The following MAP1B variants were observed in gnomAD, a reference collection of about 807,000 sequenced individuals.
The protein encoded by MAP1B is microtubule associated protein 1B.
MAP1B carries 12 observed loss-of-function variants against 176.1 expected under a neutral mutation model. The ratio of observed to expected loss-of-function variants is 0.07; its 90% CI spans 0.04 to 0.11. MAP1B has a LOEUF of 0.11. Among genes scored for constraint, MAP1B ranks in the 10% least tolerant of loss-of-function variants. The pLI is 1.00. For missense variants in MAP1B, 2,523 were observed against 2,990.5 expected (o/e 0.84, Z 3.65); for synonymous variants, 1,044 against 1,135.0 (o/e 0.92, Z 1.61).
chr5:72,107,477 AGTG>A lies in MAP1B; in HGVS notation c.-53_-51del. On this transcript the variant is annotated 5_prime_UTR_variant, in exon 1 of 7. Transcript: ENST00000296755. ...CGGAGATAATCCTTTCTCCTGCCGC[AGTG>A]GAGAGGAGCGGCCGGAGCGAGACAC... is the stretch of plus-strand genomic sequence containing the variant. 7.0e-7 allele frequency: 1 copy of A among 1,436,208 alleles called. No individual in the cohort carries two copies. The highest frequency in any genetic ancestry group is 9.3e-7 in the Non-Finnish European group (1 of 1,072,916). 89.0% of individuals were successfully genotyped at this position (1,436,208 alleles called of 1,614,324 possible).
intron 4 of MAP1B, among the ~76,000 whole-genome samples, chr5:72,190,190 A>C (rs1159279925): frequency 8.5e-5 from 13 of 152,198 alleles, no homozygotes; most frequent in Non-Finnish European, 1.5e-5. Context: ...TTTGACCATC[A>C]CCATACACCA....
rs1746909285 is a variant in MAP1B, at chr5:72,186,828, G to A, written c.510+74G>A. ...TAGGTTCCTCTTTGAGAGCACTGGG[G>A]GAGACAAAAGAAGAAGGGAGGGAAC... On this transcript the variant is annotated intron_variant, in intron 4 of 6. Transcript: ENST00000296755. The surrounding 1 kb of genome is among the most constrained non-coding windows in gnomAD (Gnocchi z 4.3). 1.9e-6 allele frequency: 3 copies of A among 1,550,396 alleles called. No individual in the cohort carries two copies. The highest frequency in any genetic ancestry group is 1.7e-5 in the Admixed American group (1 of 58,620).
rs115222432 is a variant in MAP1B, at chr5:72,191,517, G to A, written c.511-2349G>A. Among the ~76,000 whole-genome samples, 412 of 152,320 alleles carry A rather than the reference G, an allele frequency of 2.7e-3. 1 individual carries two copies. The highest frequency in any genetic ancestry group is 9.5e-3 in the African/African-American group (396 of 41,566). ...CACAGGTCTGGAAAGAGGCTGTGGG[G>A]GAAAACACGGGCTTCATTCTGTTGT... is the stretch of plus-strand genomic sequence containing the variant. On this transcript the variant is annotated intron_variant, in intron 4 of 6. Transcript: ENST00000296755.
intron 2 of MAP1B, among the ~76,000 whole-genome samples, chr5:72,173,695 A>T (rs1053475847): frequency 6.6e-6 from 1 of 152,218 alleles, no homozygotes; most frequent in Non-Finnish European, 1.5e-5. Context: ...ATTATTCTAT[A>T]ACATTCTGAG....
intron 5 of MAP1B, among the ~76,000 whole-genome samples, chr5:72,202,621 GAC>G (rs1448410793): frequency 6.6e-6 from 1 of 152,198 alleles, no homozygotes; most frequent in Admixed American, 6.5e-5. Context: ...GCTTTTAAAA[GAC>G]AGTAGTTCCA....
In MAP1B at chr5:72,200,048, G is replaced by C; in HGVS notation, c.6693G>C (p.Leu2231=). 6.2e-7 allele frequency: 1 copy of C among 1,614,150 alleles called. No individual in the cohort carries two copies. Among genetic ancestry groups the C allele is most frequent in the Non-Finnish European group, 8.5e-7 (1 of 1,180,036 alleles). Residue 2231 remains leucine, a synonymous_variant, in exon 5 of 7, where the codon CTG becomes CTC. Coordinates refer to ENST00000296755, the MANE Select transcript of MAP1B (RefSeq NM_005909.5). ...AGGCCTTGGCCATTGAGCAGAACCT[G>C]GGCAAAGCTCTAAAGAAAGATCTGA... The part of the protein sequence containing the change: ...DPEALAIEQN[L]GKALKKDLKE...
At chr5:72,153,867 C>G (rs923618727) in intron 2 of MAP1B, among the ~76,000 whole-genome samples, 2 of 152,058 alleles carry the variant, frequency 1.3e-5, no homozygotes, top group African/African-American at 4.8e-5. Context: ...GACATTCCCC[C>G]CAAAGCCTGC....
chr5:72,141,284 T>C (rs1745943536), intron 2 of MAP1B, among the ~76,000 whole-genome samples: 3 of 152,188 alleles, frequency 2.0e-5, no homozygotes, highest in South Asian at 4.1e-4. Flanking sequence ...CATCTGAGCA[T>C]GGCTGGTGGG....
At chr5:72,188,089 G>A (rs774395875) in intron 4 of MAP1B, among the ~76,000 whole-genome samples, 2 of 152,066 alleles carry the variant, frequency 1.3e-5, no homozygotes, top group Non-Finnish European at 2.9e-5. Context: ...CATTCATCTC[G>A]GTATCCATTG....
chr5:72,171,525 G>A (rs1746540914), intron 2 of MAP1B, among the ~76,000 whole-genome samples: 1 of 152,194 alleles, frequency 6.6e-6, no homozygotes, highest in Non-Finnish European at 1.5e-5. Context: ...AGGAGGTCGA[G>A]GCTGCAGGGG....
chr5:72,133,978 G>T (rs1299709734), intron 2 of MAP1B, among the ~76,000 whole-genome samples: 24 of 152,064 alleles, frequency 1.6e-4, no homozygotes, highest in Admixed American at 1.6e-3. Flanking sequence ...CTTCTTTATG[G>T]ATATTGTGGA....
At chr5:72,132,214 G>A (rs1745746376) in intron 2 of MAP1B, among the ~76,000 whole-genome samples, 1 of 152,186 alleles carries the variant, frequency 6.6e-6, no homozygotes, top group Admixed American at 6.5e-5. Flanking sequence ...TCAGTAGCGT[G>A]TGCACAAATC....
At chr5:72,139,556 A>C (rs1037073654) in intron 2 of MAP1B, among the ~76,000 whole-genome samples, 1 of 152,152 alleles carries the variant, frequency 6.6e-6, no homozygotes, top group African/African-American at 2.4e-5. Flanking sequence ...TTTTGGGCCA[A>C]CCCTTGGATC....
intron 2 of MAP1B, among the ~76,000 whole-genome samples, chr5:72,120,792 C>G (rs1745514472): frequency 6.6e-6 from 1 of 152,154 alleles, no homozygotes; most frequent in East Asian, 1.9e-4. Flanking sequence ...CAGGGCTTGT[C>G]ACATGGAAAC....
chr5:72,165,001 G>T (rs758719801), intron 2 of MAP1B, among the ~76,000 whole-genome samples: 14 of 151,782 alleles, frequency 9.2e-5, no homozygotes, highest in Non-Finnish European at 2.1e-4. Context: ...TATATGTCTT[G>T]TATGATACAG....
chr5:72,186,656 G>T lies in MAP1B; in HGVS notation c.412G>T (p.Val138Leu), dbSNP rs147013566. The T allele has an allele frequency of 6.2e-7, 1 of 1,614,216 alleles. No individual in the cohort carries two copies. ...ITDAARHKLL[V>L]LTGQCFENTG... is the part of the protein sequence containing the mutation. The stretch of plus-strand genomic sequence containing the variant: ...TGATGCTGCCCGACACAAGCTGCTC[G>T]TGCTGACCGGGCAGTGCTTTGAAAA... Residue 138 changes from valine to leucine, a missense_variant, in exon 4 of 7, where the codon GTG becomes TTG. Around this residue, in one of 4 missense-constraint regions of MAP1B, gnomAD observed 307 missense variants for 438.4 expected, o/e 0.70. Transcript: ENST00000296755. The surrounding 1 kb of genome is among the most constrained non-coding windows in gnomAD (Gnocchi z 4.3).
intron 2 of MAP1B, among the ~76,000 whole-genome samples, chr5:72,122,609 TC>T (rs1442904309): frequency 6.6e-6 from 1 of 151,812 alleles, no homozygotes; most frequent in Non-Finnish European, 1.5e-5. Flanking sequence ...ATGGGCTCTT[TC>T]AGACCACCCT....
At chr5:72,167,549 G>A (rs1746454516) in intron 2 of MAP1B, among the ~76,000 whole-genome samples, 1 of 152,166 alleles carries the variant, frequency 6.6e-6, no homozygotes, top group Non-Finnish European at 1.5e-5. Context: ...TTTTGTATGT[G>A]CCAAGCTGTG....
intron 4 of MAP1B, among the ~76,000 whole-genome samples, chr5:72,192,737 A>C (rs1300187462): frequency 6.6e-6 from 1 of 152,148 alleles, no homozygotes; most frequent in Non-Finnish European, 1.5e-5. Flanking sequence ...TTCAGTCGAA[A>C]CTCTGAGCTG....
Sources: gnomAD v4.1 joint callset for allele counts (sites outside exome capture counted in the v4.1 genomes callset) on GRCh38, gnomAD v4.1.1 for gene constraint, gnomAD v4.1.1 regional missense constraint, Gnocchi (gnomAD v3.1) non-coding constraint, MANE v1.5 for transcripts, NCBI Gene and HGNC (gene_info 2026-07-23, HGNC 2026-07-21) for gene names.